Variants in FAM135B observed in about 807,000 individuals in gnomAD.
FAM135B encodes family with sequence similarity 135 member B.
Under a neutral mutation model 127.7 loss-of-function variants are expected in FAM135B, and 43 were observed. The observed-to-expected ratio is 0.34, with a 90% CI of 0.26 to 0.43. The LOEUF (loss-of-function observed/expected upper bound fraction) is 0.43, where lower values mean the gene tolerates loss of function less well. FAM135B is among the 20% of genes least tolerant of loss of function. The pLI is 1.00. For missense variants in FAM135B, 1,558 were observed against 1,725.6 expected, an observed-to-expected ratio of 0.90 and a Z score of 1.72; for synonymous variants, 670 against 665.1, an observed-to-expected ratio of 1.01 and a Z score of -0.11.
In FAM135B at chr8:138,252,503, G is replaced by A. The variant is rs144547181; in HGVS notation, c.369-1489C>T. Among the ~76,000 whole-genome samples the A allele has an allele frequency of 1.8e-3, 280 of 152,262 alleles. 2 individuals carry two copies. The highest frequency in any genetic ancestry group is 6.4e-3 in the African/African-American group (266 of 41,554). On this transcript the variant is annotated intron_variant, in intron 5 of 19. Coordinates refer to ENST00000395297, the MANE Select transcript of FAM135B (RefSeq NM_015912.4). Reference sequence around the variant, plus strand: ...TCAGTGTCGCAAAGATGGCAAAAATGTTAACAAGAATTTAAGCCACATTAG... The same window carrying A: ...TCAGTGTCGCAAAGATGGCAAAAATATTAACAAGAATTTAAGCCACATTAG...
chr8:138,431,771 T>C (rs1191496453), intron 1 of FAM135B, among the ~76,000 whole-genome samples: 1 of 152,204 alleles, frequency 6.6e-6, no homozygotes, highest in Non-Finnish European at 1.5e-5. Flanking sequence ...TTCCATTCTG[T>C]GGCCTTCAGG....
rs765730219 is a variant in FAM135B, at chr8:138,153,184, C to T, written c.1291G>A (p.Val431Ile). Residue 431 changes from valine (V) to isoleucine (I), a missense_variant, in exon 13 of 20, where the codon GTT becomes ATT. Transcript: ENST00000395297. Reference sequence around the variant, plus strand: ...ATTATTGTAGGACTTGTCACTGGAACATCAAAATTAGGATAAACACTCAAG... The same window carrying T: ...ATTATTGTAGGACTTGTCACTGGAATATCAAAATTAGGATAAACACTCAAG... ...HNLSVYPNFD[V>I]PVTSPTIMNL... 2 of 1,585,318 alleles carry T rather than the reference C, an allele frequency of 1.3e-6. No individual in the cohort carries two copies. Among genetic ancestry groups the T allele is most frequent in the Non-Finnish European group, 1.7e-6 (2 of 1,163,428 alleles).
chr8:138,386,697 T>C (rs894037059), intron 1 of FAM135B, among the ~76,000 whole-genome samples: 1 of 152,226 alleles, frequency 6.6e-6, no homozygotes, highest in Non-Finnish European at 1.5e-5. Context: ...GCTTTTTAAT[T>C]TTTTAAAACA....
Position 138,220,725 on chromosome 8 carries a change from A to G in FAM135B, c.669+22217T>C, listed in dbSNP as rs116591740. On this transcript the variant is annotated intron_variant, in intron 7 of 19. Transcript: ENST00000395297. Reference sequence around the variant, plus strand: ...TTCTATACCACAAGAACTCCCCCCAACTATTTCGAGTCCTGTGTTCATATT... The same window carrying G: ...TTCTATACCACAAGAACTCCCCCCAGCTATTTCGAGTCCTGTGTTCATATT... 7.4e-3 allele frequency among the ~76,000 whole-genome samples: 1,127 copies of G among 152,312 alleles called. 11 individuals are homozygous for G. The highest frequency in any genetic ancestry group is 0.026 in the African/African-American group (1,074 of 41,556).
At chr8:138,275,968 G>A (rs1823791992) in intron 3 of FAM135B, among the ~76,000 whole-genome samples, 1 of 152,146 alleles carries the variant, frequency 6.6e-6, no homozygotes, top group African/African-American at 2.4e-5. Context: ...GTGGAGGTGA[G>A]CTGAATCTTG....
At chr8:138,134,566 TA>T (rs144307224) in intron 19 of FAM135B, among the ~76,000 whole-genome samples, 1,992 of 152,234 alleles carry the variant, frequency 0.013, 52 homozygotes, top group African/African-American at 0.044. Flanking sequence ...ACTTTTGGGA[TA>T]GGGGCAAATT....
intron 2 of FAM135B, among the ~76,000 whole-genome samples, chr8:138,338,926 A>T (rs1385998501): frequency 1.3e-5 from 2 of 152,110 alleles, no homozygotes; most frequent in Non-Finnish European, 2.9e-5. Context: ...AATACTATGC[A>T]GCCATAAAAA....
At chr8:138,187,082 G>A (rs898414045) in intron 9 of FAM135B, among the ~76,000 whole-genome samples, 3 of 152,218 alleles carry the variant, frequency 2.0e-5, no homozygotes, top group African/African-American at 7.2e-5. Context: ...GGCCAGGTAT[G>A]TTGGTATTGT....
Position 138,423,741 on chromosome 8 carries a change from T to A in FAM135B, c.-19-55739A>T, listed in dbSNP as rs544123145. On this transcript the variant is annotated intron_variant, in intron 1 of 19. Transcript: ENST00000395297. ...ACAGGGTTTGAGAGCAGACAACCTATCTGACCAAAATTTATTAGGTGGGAA... is the reference window on the plus strand; with the variant it reads ...ACAGGGTTTGAGAGCAGACAACCTAACTGACCAAAATTTATTAGGTGGGAA... Among the ~76,000 whole-genome samples the A allele has an allele frequency of 2.6e-5, 4 of 152,254 alleles. No homozygotes were observed. In the South Asian group the frequency reaches 8.3e-4, roughly 32 times the overall value.
chr8:138,259,225 G>T (rs1482700649), intron 4 of FAM135B, among the ~76,000 whole-genome samples: 1 of 152,016 alleles, frequency 6.6e-6, no homozygotes, highest in Non-Finnish European at 1.5e-5. Flanking sequence ...CTCACTGCTT[G>T]GTTTCAACTC....
At chr8:138,235,802 G>A (rs1266881529) in intron 7 of FAM135B, among the ~76,000 whole-genome samples, 4 of 152,172 alleles carry the variant, frequency 2.6e-5, no homozygotes, top group African/African-American at 9.7e-5. Flanking sequence ...GGAAGATACT[G>A]TTCTACGATT....
intron 7 of FAM135B, among the ~76,000 whole-genome samples, chr8:138,233,612 A>G (rs1464969920): frequency 6.6e-6 from 1 of 152,224 alleles, no homozygotes; most frequent in Non-Finnish European, 1.5e-5. Context: ...CTTGGCAATG[A>G]TTTCTTGGAT....
At chr8:138,453,920 T>C (rs1450038157) in intron 1 of FAM135B, among the ~76,000 whole-genome samples, 1 of 152,084 alleles carries the variant, frequency 6.6e-6, no homozygotes, top group Non-Finnish European at 1.5e-5. Flanking sequence ...TTTGCTATGC[T>C]TTTGCCAAAC....
intron 1 of FAM135B, among the ~76,000 whole-genome samples, chr8:138,478,709 AT>A (rs1814632622): frequency 6.6e-6 from 1 of 152,234 alleles, no homozygotes; most frequent in African/African-American, 2.4e-5. Context: ...CCCTAGGGAT[AT>A]AATGCTACAA....
At chr8:138,232,131 C>G (rs939556576) in intron 7 of FAM135B, among the ~76,000 whole-genome samples, 2 of 152,252 alleles carry the variant, frequency 1.3e-5, no homozygotes, top group African/African-American at 4.8e-5. Context: ...TTTCCTTACT[C>G]CAAGGCCACT....
intron 3 of FAM135B, among the ~76,000 whole-genome samples, chr8:138,308,743 C>G (rs527409172): frequency 1.7e-4 from 26 of 152,324 alleles, no homozygotes; most frequent in Non-Finnish European, 3.5e-4. Flanking sequence ...CTGGTCCTCA[C>G]AGCTGGCGCC....
chr8:138,387,665 A>G (rs1198525100), intron 1 of FAM135B, among the ~76,000 whole-genome samples: 2 of 152,090 alleles, frequency 1.3e-5, no homozygotes, highest in Non-Finnish European at 2.9e-5. Flanking sequence ...GTCCCACTTA[A>G]TCCTAGACAC....
intron 14 of FAM135B, among the ~76,000 whole-genome samples, 164 bp from the exon 15 acceptor site, chr8:138,146,214 C>A (rs1335022771): frequency 6.6e-6 from 1 of 152,164 alleles, no homozygotes; most frequent in Admixed American, 6.5e-5. Context: ...GAAACCCCGG[C>A]TCTCCTGTTA....
chr8:138,145,805 C>A (rs1350656276), intron 15 of FAM135B, among the ~76,000 whole-genome samples, 154 bp downstream of exon 15: 1 of 152,228 alleles, frequency 6.6e-6, no homozygotes, highest in Non-Finnish European at 1.5e-5. Context: ...ATAAAACAGT[C>A]TCTTCTTTCC....
Sources: allele counts gnomAD v4.1 joint callset (sites outside exome capture counted in the v4.1 genomes callset), GRCh38; gene constraint gnomAD v4.1.1; transcripts MANE v1.5; gene names NCBI Gene and HGNC (gene_info 2026-07-23, HGNC 2026-07-21).